Variants in CYP19A1 observed in about 807,000 individuals in gnomAD.
CYP19A1 encodes cytochrome P450 family 19 subfamily A member 1.
In CYP19A1, 32 loss-of-function variants were observed where a neutral mutation model predicts 44.4. The ratio of observed to expected loss-of-function variants is 0.72; its 90% CI spans 0.54 to 0.97. CYP19A1 has a LOEUF of 0.97. Among genes scored for constraint, CYP19A1 ranks in the 50% least tolerant of loss-of-function variants. The pLI is 0.00. For synonymous variants in CYP19A1, 212 were observed against 215.6 expected (o/e 0.98, Z 0.14); for missense variants, 598 against 637.8 (o/e 0.94, Z 0.67).
intron 1 of CYP19A1, among the ~76,000 whole-genome samples, chr15:51,336,375 T>C (rs889329701): frequency 2.0e-5 from 3 of 152,122 alleles, no homozygotes; most frequent in Non-Finnish European, 4.4e-5. Flanking sequence ...AAAGGGAGAA[T>C]TGCTGACTTT....
At chr15:51,291,260 T>C (rs2035839331) in intron 1 of CYP19A1, among the ~76,000 whole-genome samples, 1 of 152,038 alleles carries the variant, frequency 6.6e-6, no homozygotes, top group African/African-American at 2.4e-5. Context: ...ACTGGTTGCA[T>C]GGGCCCAGAT....
Position 51,210,689 on chromosome 15 carries a change from A to G in CYP19A1, c.*119T>C. 1 of 797,780 alleles carries G rather than the reference A, an allele frequency of 1.3e-6. No homozygotes were observed. The highest frequency in any genetic ancestry group is 2.3e-6 in the Non-Finnish European group (1 of 439,722). 49.4% of individuals were successfully genotyped at this position (797,780 alleles called of 1,614,324 possible). A position where few individuals can be genotyped will look rare whatever the true frequency, so the allele number is the denominator to read the frequency against. ...GTGACAACCCATAGGAGGTATGCCT[A>G]TAAAATGCCATGGGCCACTGAGTGT... On this transcript the variant is annotated 3_prime_UTR_variant, in exon 10 of 10. Coordinates refer to ENST00000396402, the MANE Select transcript of CYP19A1 (RefSeq NM_000103.4).
At chr15:51,254,847 C>T (rs1288692491) in intron 1 of CYP19A1, among the ~76,000 whole-genome samples, 2 of 152,124 alleles carry the variant, frequency 1.3e-5, no homozygotes, top group Non-Finnish European at 2.9e-5. Flanking sequence ...CAGGTATAAA[C>T]TCTGTTTACA....
At chr15:51,331,932 T>C (rs1317400791) in intron 1 of CYP19A1, among the ~76,000 whole-genome samples, 3 of 149,374 alleles carry the variant, frequency 2.0e-5, no homozygotes, top group African/African-American at 7.6e-5. Context: ...TATATATATA[T>C]ATACACACAT....
intron 1 of CYP19A1, among the ~76,000 whole-genome samples, chr15:51,263,430 G>A (rs541632676): frequency 4.6e-5 from 7 of 152,342 alleles, no homozygotes; most frequent in East Asian, 1.9e-4. Context: ...GTCAAAAAGC[G>A]TGGCTGTTAA....
chr15:51,295,123 G>C (rs972595822), intron 1 of CYP19A1, among the ~76,000 whole-genome samples: 3 of 145,626 alleles, frequency 2.1e-5, no homozygotes, highest in African/African-American at 7.8e-5. Context: ...GGCTTGGAGC[G>C]AATTAACAAC....
chr15:51,247,136 C>T (rs4479171), intron 1 of CYP19A1, among the ~76,000 whole-genome samples: 145,042 of 152,182 alleles, frequency 0.95, 69,511 homozygotes, highest in East Asian at 1. Context: ...CTTCTCTCAT[C>T]GTTTCTATTC....
At chr15:51,302,947 A>C (rs1204751406) in intron 1 of CYP19A1, among the ~76,000 whole-genome samples, 1 of 152,224 alleles carries the variant, frequency 6.6e-6, no homozygotes, top group Non-Finnish European at 1.5e-5. Flanking sequence ...GCTTGCAGGC[A>C]TGGCTTGGGG....
chr15:51,225,909 G>A (rs537576035), intron 4 of CYP19A1, among the ~76,000 whole-genome samples: 22 of 151,996 alleles, frequency 1.4e-4, no homozygotes, highest in African/African-American at 5.3e-4. Flanking sequence ...CTAACACGGT[G>A]AAACCCCGTC....
chr15:51,226,119 A>G (rs1042876829), intron 4 of CYP19A1, among the ~76,000 whole-genome samples: 11 of 149,700 alleles, frequency 7.3e-5, no homozygotes, highest in Non-Finnish European at 1.6e-4. Context: ...AAAAAAAAGC[A>G]AAGAACCTTT....
intron 1 of CYP19A1, among the ~76,000 whole-genome samples, chr15:51,319,822 T>G (rs1456400324): frequency 1.3e-5 from 2 of 152,202 alleles, no homozygotes; most frequent in Non-Finnish European, 2.9e-5. Context: ...CAGATCCAGC[T>G]CTACCTTAAT....
chr15:51,211,184 A>G, intron 9 of CYP19A1, 128 bp from the exon 10 acceptor site: 2 of 705,710 alleles, frequency 2.8e-6, no homozygotes, highest in Non-Finnish European at 2.6e-6. Context: ...AATGCCCTCC[A>G]TCCCCTCAGA....
chr15:51,304,100 G>A (rs964529666), intron 1 of CYP19A1, among the ~76,000 whole-genome samples: 7 of 152,156 alleles, frequency 4.6e-5, no homozygotes, highest in African/African-American at 1.7e-4. Flanking sequence ...AGAAACAACG[G>A]TGCTCTCAGG....
At position 51,210,617 on chromosome 15, in the gene CYP19A1, G is replaced by C. The variant is rs190403648; in HGVS notation, c.*191C>G. On this transcript the variant is annotated 3_prime_UTR_variant, in exon 10 of 10. Coordinates refer to ENST00000396402, the MANE Select transcript of CYP19A1 (RefSeq NM_000103.4). ...GCCTCTGCTTTTTCTCTTGTAGCCT[G>C]GTTCTCTGGTGTGAACAGGAGCAGA... is the stretch of plus-strand genomic sequence containing the variant. 17 of 718,400 alleles carry C rather than the reference G, an allele frequency of 2.4e-5. 1 individual carries two copies. The highest frequency in any genetic ancestry group is 1.0e-4 in the South Asian group (7 of 69,618). The allele number at this position is 718,400 out of a possible 1,614,324, so 44.5% of individuals were successfully genotyped here.
At chr15:51,223,593 T>A (rs373433430) in intron 4 of CYP19A1, among the ~76,000 whole-genome samples, 2,120 of 90,166 alleles carry the variant, frequency 0.024, 68 homozygotes, top group African/African-American at 0.063. Context: ...TCTCTCTCTC[T>A]CACACACACA....
At position 51,300,531 on chromosome 15, in the gene CYP19A1, G is replaced by A. The variant is rs537556465; in HGVS notation, c.-39+37964C>T. 7.2e-5 allele frequency among the ~76,000 whole-genome samples: 11 copies of A among 152,296 alleles called. No individual in the cohort carries two copies. The South Asian group carries it at 2.3e-3, about 32-fold the overall frequency. On this transcript the variant is annotated intron_variant, in intron 1 of 9. Coordinates refer to ENST00000396402, the MANE Select transcript of CYP19A1 (RefSeq NM_000103.4). ...CTGACTCCTTGTTCCCCAATCAGTT[G>A]TCAAGGCAGAGAGTTTCAAAAAGAA...
chr15:51,314,468 A>G (rs1457190629), intron 1 of CYP19A1, among the ~76,000 whole-genome samples: 1 of 152,170 alleles, frequency 6.6e-6, no homozygotes, highest in East Asian at 1.9e-4. Flanking sequence ...GCTCTGTGCC[A>G]TTCTGGGAGA....
chr15:51,322,518 T>A (rs1595784911), intron 1 of CYP19A1, among the ~76,000 whole-genome samples: 4 of 152,204 alleles, frequency 2.6e-5, no homozygotes, highest in Admixed American at 6.5e-5. Context: ...ATCATCCAGA[T>A]AATAAAAGCA....
At chr15:51,271,465 G>A (rs1450075577) in intron 1 of CYP19A1, among the ~76,000 whole-genome samples, 5 of 152,208 alleles carry the variant, frequency 3.3e-5, no homozygotes, top group African/African-American at 1.2e-4. Flanking sequence ...GACCCAACGT[G>A]TCTTGATTTA....
Sources: allele counts gnomAD v4.1 joint callset (sites outside exome capture counted in the v4.1 genomes callset), GRCh38; gene constraint gnomAD v4.1.1; transcripts MANE v1.5; gene names NCBI Gene and HGNC (gene_info 2026-07-23, HGNC 2026-07-21).